The following PDE3B variants were observed in gnomAD, a reference collection of about 807,000 sequenced individuals.
PDE3B encodes the protein cGMP-inhibited 3',5'-cyclic phosphodiesterase 3B.
A neutral mutation model predicts 116.8 loss-of-function variants in PDE3B; 66 were observed. The observed-to-expected ratio is 0.56, with a 90% CI of 0.46 to 0.69. The LOEUF (loss-of-function observed/expected upper bound fraction) is 0.69, where lower values mean the gene tolerates loss of function less well. Ranked by LOEUF, PDE3B falls within the 30% of genes least tolerant of loss-of-function variation. The pLI is 0.00. For missense variants in PDE3B, 1,384 were observed against 1,368.1 expected (o/e 1.01, Z -0.18); for synonymous variants, 595 against 533.6 (o/e 1.12, Z -1.59).
intron 1 of PDE3B, among the ~76,000 whole-genome samples, chr11:14,652,735 A>G (rs1053053186): frequency 1.3e-5 from 2 of 152,144 alleles, no homozygotes; most frequent in Non-Finnish European, 2.9e-5. Flanking sequence ...TTATGTTTCA[A>G]TGAATTTGAG....
chr11:14,879,104 G>T, the PDE3B span: 1 of 1,609,760 alleles, frequency 6.2e-7, no homozygotes. Flanking sequence ...CCCCGTGAAA[G>T]TTCTCTTACC....
Position 14,806,881 on chromosome 11 carries a change from GA to G in PDE3B, c.1522+2839del, listed in dbSNP as rs1190834271. ...CTCAAAAAAAAAAAAAAAAAAAAAA[GA>G]AAAAAAAGAAAATGTGGCACATATA... is the stretch of plus-strand genomic sequence containing the variant. On this transcript the variant is annotated intron_variant, in intron 5 of 15. Coordinates refer to ENST00000282096, the MANE Select transcript of PDE3B (RefSeq NM_000922.4). 6.0e-5 allele frequency among the ~76,000 whole-genome samples: 8 copies of G among 132,432 alleles called. No homozygotes were observed. In the South Asian group the frequency reaches 9.9e-4, roughly 16 times the overall value. The allele number at this position is 132,432 out of a possible 152,430, so 86.9% of individuals were successfully genotyped here.
chr11:14,684,951 A>G (rs1222668370), intron 1 of PDE3B, among the ~76,000 whole-genome samples: 1 of 152,114 alleles, frequency 6.6e-6, no homozygotes, highest in Non-Finnish European at 1.5e-5. Flanking sequence ...ATACTGTTCA[A>G]ACACACATGT....
intron 1 of PDE3B, among the ~76,000 whole-genome samples, chr11:14,653,091 ACT>A (rs1341570791): frequency 6.6e-6 from 1 of 151,900 alleles, no homozygotes; most frequent in South Asian, 2.1e-4. Flanking sequence ...ATAGTATATA[ACT>A]CTATGCAACT....
chr11:14,706,008 T>C (rs1162164503), intron 1 of PDE3B, among the ~76,000 whole-genome samples: 3 of 151,898 alleles, frequency 2.0e-5, no homozygotes, highest in Admixed American at 2.0e-4. Context: ...ACTTGTTTTA[T>C]ATGTGTTCAA....
chr11:14,822,170 T>C (rs550574169), intron 7 of PDE3B, among the ~76,000 whole-genome samples: 16 of 152,254 alleles, frequency 1.1e-4, no homozygotes, highest in Admixed American at 1.0e-3. Flanking sequence ...CCCAAAGCAC[T>C]AGGATTATAG....
At chr11:14,657,619 T>C (rs1565075913) in intron 1 of PDE3B, among the ~76,000 whole-genome samples, 1 of 152,182 alleles carries the variant, frequency 6.6e-6, no homozygotes, top group Non-Finnish European at 1.5e-5. Context: ...GTTGTAAAAA[T>C]ATGCACCATC....
chr11:14,829,987 G>A (rs1321462709), intron 7 of PDE3B, among the ~76,000 whole-genome samples: 1 of 152,062 alleles, frequency 6.6e-6, no homozygotes, highest in Non-Finnish European at 1.5e-5. Flanking sequence ...GAATCAGAGA[G>A]TATATACTTT....
At chr11:14,759,706 G>A (rs1487235491) in intron 1 of PDE3B, among the ~76,000 whole-genome samples, 1 of 151,930 alleles carries the variant, frequency 6.6e-6, no homozygotes, top group Admixed American at 6.6e-5. Context: ...GTGCCACCAC[G>A]CCCAGCTAAT....
chr11:14,877,868 G>A, the PDE3B span: 1 of 458,056 alleles, frequency 2.2e-6, no homozygotes, highest in Non-Finnish European at 3.9e-6. Context: ...ACCCTTCTTA[G>A]CATTTTAAGC....
chr11:14,709,749 T>C (rs1001536811), intron 1 of PDE3B, among the ~76,000 whole-genome samples: 4 of 152,336 alleles, frequency 2.6e-5, no homozygotes, highest in Non-Finnish European at 5.9e-5. Flanking sequence ...TTTACTCTTA[T>C]ACGTTTTTTG....
the PDE3B span, chr11:14,885,816 T>A: frequency 3.1e-6 from 5 of 1,613,378 alleles, no homozygotes; most frequent in East Asian, 1.1e-4. Context: ...GAAGGCATGG[T>A]CTGTCTGCAA....
At chr11:14,818,796 A>G (rs1736557568) in intron 6 of PDE3B, among the ~76,000 whole-genome samples, 1 of 152,050 alleles carries the variant, frequency 6.6e-6, no homozygotes, top group East Asian at 1.9e-4. Flanking sequence ...ATGGTATTCT[A>G]CCCATCCTAA....
chr11:14,845,084 C>T (rs1249332915), intron 12 of PDE3B, among the ~76,000 whole-genome samples: 4 of 152,088 alleles, frequency 2.6e-5, no homozygotes, highest in African/African-American at 9.7e-5. Flanking sequence ...CTGGGAGGCA[C>T]CCCCTAGTAG....
At chr11:14,694,696 T>G (rs1050462121) in intron 1 of PDE3B, among the ~76,000 whole-genome samples, 2 of 152,180 alleles carry the variant, frequency 1.3e-5, no homozygotes, top group African/African-American at 4.8e-5. Flanking sequence ...TGTGACATGC[T>G]TTATTCTGAT....
At chr11:14,845,504 G>A (rs888964093) in intron 12 of PDE3B, among the ~76,000 whole-genome samples, 18 of 152,202 alleles carry the variant, frequency 1.2e-4, no homozygotes, top group African/African-American at 1.7e-4. Context: ...ACTTTGACGA[G>A]TTGAGAGAAG....
At chr11:14,849,119 G>A (rs1367313655) in intron 12 of PDE3B, among the ~76,000 whole-genome samples, 2 of 152,038 alleles carry the variant, frequency 1.3e-5, no homozygotes, top group African/African-American at 2.4e-5. Context: ...AAACAGCATG[G>A]TACTGGTACC....
chr11:14,784,012 C>T (rs187653056), intron 2 of PDE3B, among the ~76,000 whole-genome samples: 1 of 152,290 alleles, frequency 6.6e-6, no homozygotes, highest in East Asian at 1.9e-4. Context: ...CATAGGAGCA[C>T]AAATCCTATG....
the PDE3B span, chr11:14,891,175 C>T: frequency 1.0e-6 from 1 of 985,476 alleles, no homozygotes; most frequent in African/African-American, 1.7e-5. Context: ...GTCGCCTTTT[C>T]CGCTGCCAGT....
Sources: gnomAD v4.1 joint callset for allele counts (sites outside exome capture counted in the v4.1 genomes callset) on GRCh38, gnomAD v4.1.1 for gene constraint, MANE v1.5 for transcripts, NCBI Gene and HGNC (gene_info 2026-07-23, HGNC 2026-07-21) for gene names.